The following KCNMB1 variants were observed in gnomAD, a reference collection of about 807,000 sequenced individuals.
The protein encoded by KCNMB1 is potassium calcium-activated channel subfamily M regulatory beta subunit 1, also known as calcium-activated potassium channel subunit beta-1.
Under a neutral mutation model 21.7 loss-of-function variants are expected in KCNMB1, and 22 were observed. That is an observed-to-expected ratio of 1.01 (90% CI 0.72 to 1.45). The LOEUF is 1.45. KCNMB1 is among the 40% of genes most tolerant of loss of function. The pLI is 0.00. For synonymous variants in KCNMB1, 114 were observed against 107.6 expected (o/e 1.06, Z -0.37); for missense variants, 243 against 243.4 (o/e 1.00, Z 0.01).
At chr5:170,382,617 C>T (rs79484313) in intron 3 of KCNMB1, 6,398 of 152,176 alleles carry the variant, frequency 0.042, 181 homozygotes, top group Middle Eastern at 0.081. Context: ...TTGCATCCTG[C>T]GCCTGCCTGA....
At chr5:170,382,060 A>G (rs940878306) in intron 3 of KCNMB1, among the ~76,000 whole-genome samples, 1 of 152,030 alleles carries the variant, frequency 6.6e-6, no homozygotes, top group African/African-American at 2.4e-5. Context: ...CCGTCCCATC[A>G]GCCATCAAGT....
Position 170,376,923 on chromosome 5 carries a change from C to A in KCNMB1, c.*1781G>T, listed in dbSNP as rs1764027533. ...AAACAAACAAAAAAAACTATAGTTGCCATTTTAAACACCTATGATGTGTCA... is the reference window on the plus strand; with the variant it reads ...AAACAAACAAAAAAAACTATAGTTGACATTTTAAACACCTATGATGTGTCA... On this transcript the variant is annotated 3_prime_UTR_variant, in exon 4 of 4. Transcript: ENST00000274629. 1 of 152,154 alleles carries A rather than the reference C, an allele frequency of 6.6e-6. No individual in the cohort carries two copies. Among genetic ancestry groups the A allele is most frequent in the South Asian group, 2.1e-4 (1 of 4,826 alleles). The allele number at this position is 152,154 out of a possible 1,614,324, so 9.4% of individuals were successfully genotyped here.
In KCNMB1 at chr5:170,374,944, A is replaced by G. The variant is rs1381128814; in HGVS notation, c.*3760T>C. The G allele has an allele frequency of 6.6e-6, 1 of 152,146 alleles. No individual in the cohort carries two copies. The highest frequency in any genetic ancestry group is 2.4e-5 in the African/African-American group (1 of 41,440). The allele number at this position is 152,146 out of a possible 1,614,324, so 9.4% of individuals were successfully genotyped here. ...GACAGTGGGGGTTAGGCATCCTCAC[A>G]TACTAATTTTTCTAGAGGAACATGG... On this transcript the variant is annotated 3_prime_UTR_variant, in exon 4 of 4. Transcript: ENST00000274629.
Position 170,378,865 on chromosome 5 carries a change from G to A in KCNMB1, c.415C>T (p.Pro139Ser), listed in dbSNP as rs750048754. ...EQQVFYCFSA[P>S]RGNETSVLFQ... The stretch of plus-strand genomic sequence containing the variant: ...AGGACGCTGGTTTCGTTCCCCCGAG[G>A]TGCGGAGAAGCAGTAGAAGACCTGC... The change falls in exon 4 of 4, where the codon CCT (proline) becomes TCT (serine). Residue 139 changes from proline (P) to serine (S), a missense_variant. Transcript: ENST00000274629. The A allele has an allele frequency of 3.1e-6, 5 of 1,614,266 alleles. No homozygotes were observed. Among genetic ancestry groups the A allele is most frequent in the South Asian group, 1.1e-5 (1 of 91,090 alleles).
rs1348780122 is a variant in KCNMB1, at chr5:170,378,378, G to A, written c.*326C>T. 16 of 254,022 alleles carry A rather than the reference G, an allele frequency of 6.3e-5. No individual in the cohort carries two copies. The highest frequency in any genetic ancestry group is 1.5e-5 in the Non-Finnish European group (2 of 133,942). The allele number at this position is 254,022 out of a possible 1,614,324, so 15.7% of individuals were successfully genotyped here. On this transcript the variant is annotated 3_prime_UTR_variant, in exon 4 of 4. Coordinates refer to ENST00000274629, the MANE Select transcript of KCNMB1 (RefSeq NM_004137.4). ...CAACAGGGAGAACTCAGGCACAGAGGTGACGATCATCGTTCTCTGTGGGGC... is the reference window on the plus strand; with the variant it reads ...CAACAGGGAGAACTCAGGCACAGAGATGACGATCATCGTTCTCTGTGGGGC...
chr5:170,387,773 A>G (rs1161459108), intron 1 of KCNMB1, among the ~76,000 whole-genome samples: 1 of 152,184 alleles, frequency 6.6e-6, no homozygotes, highest in Non-Finnish European at 1.5e-5. Flanking sequence ...CCATGTATTC[A>G]CAGGTAAAGC....
chr5:170,380,180 C>G (rs1300271058), intron 3 of KCNMB1, among the ~76,000 whole-genome samples: 1 of 152,114 alleles, frequency 6.6e-6, no homozygotes, highest in Admixed American at 6.5e-5. Flanking sequence ...CAGATGAGGC[C>G]AGCTGGAAAG....
Position 170,378,832 on chromosome 5 carries a change from G to T in KCNMB1, c.448C>A (p.Arg150Ser). ...RGNETSVLFQ[R>S]LYGPQALLFS... is the part of the protein sequence containing the mutation. ...AGGAGGGCCTGGGGCCCGTAGAGGCGCTGGAATAGGACGCTGGTTTCGTTC... is the reference window on the plus strand; with the variant it reads ...AGGAGGGCCTGGGGCCCGTAGAGGCTCTGGAATAGGACGCTGGTTTCGTTC... The change falls in exon 4 of 4, where the codon CGC becomes AGC. Residue 150 changes from arginine to serine, a missense_variant. By Grantham distance (110) the Arg-to-Ser change is moderately radical. Transcript: ENST00000274629. The T allele has an allele frequency of 6.2e-7, 1 of 1,614,240 alleles. No individual in the cohort carries two copies. The highest frequency in any genetic ancestry group is 8.5e-7 in the Non-Finnish European group (1 of 1,180,036).
intron 2 of KCNMB1, among the ~76,000 whole-genome samples, chr5:170,384,095 TTGCAACA>T (rs754911904): frequency 1.3e-5 from 2 of 152,182 alleles, no homozygotes; most frequent in Non-Finnish European, 2.9e-5. Context: ...TTGGCTACTC[TTGCAACA>T]ACCTGGGGAG....
intron 3 of KCNMB1, among the ~76,000 whole-genome samples, chr5:170,379,823 G>A (rs1298237751): frequency 2.6e-5 from 4 of 151,960 alleles, no homozygotes; most frequent in Admixed American, 1.3e-4. Context: ...GCATGGTGGT[G>A]TACCTGTAGT....
At chr5:170,379,188 C>T (rs547963461) in intron 3 of KCNMB1, among the ~76,000 whole-genome samples, 9 of 151,540 alleles carry the variant, frequency 5.9e-5, no homozygotes, top group East Asian at 2.0e-4. Context: ...TGGAGCTGCT[C>T]GGGGTACAGG....
chr5:170,380,997 A>T (rs187028592), intron 3 of KCNMB1, among the ~76,000 whole-genome samples: 1 of 152,326 alleles, frequency 6.6e-6, no homozygotes, highest in Admixed American at 6.5e-5. Context: ...GCTATTATTA[A>T]TAATAATATG....
chr5:170,384,525 G>C (rs542286932), intron 2 of KCNMB1, among the ~76,000 whole-genome samples: 1 of 152,306 alleles, frequency 6.6e-6, no homozygotes, highest in East Asian at 1.9e-4. Context: ...GCCCGGGAGA[G>C]GCTAACAGGT....
chr5:170,386,888 T>G (rs1764496919), intron 1 of KCNMB1, among the ~76,000 whole-genome samples: 1 of 151,974 alleles, frequency 6.6e-6, no homozygotes, highest in African/African-American at 2.4e-5. Context: ...CCCTGGACAT[T>G]GACTCCACCC....
At chr5:170,386,142 A>C (rs1764463192) in intron 1 of KCNMB1, among the ~76,000 whole-genome samples, 2 of 151,942 alleles carry the variant, frequency 1.3e-5, no homozygotes, top group Non-Finnish European at 2.9e-5. Context: ...AACAAAAAAC[A>C]AAAAAAGATA....
chr5:170,380,046 G>A (rs567085541), intron 3 of KCNMB1, among the ~76,000 whole-genome samples: 9 of 152,268 alleles, frequency 5.9e-5, no homozygotes, highest in African/African-American at 2.2e-4. Context: ...GTTGGCAAGC[G>A]GGTATTTGAC....
In KCNMB1 at chr5:170,374,765, C is replaced by G. The variant is rs920236286; in HGVS notation, c.*3939G>C. 6.6e-6 allele frequency: 1 copy of G among 152,176 alleles called. No homozygotes were observed. The highest frequency in any genetic ancestry group is 2.4e-5 in the African/African-American group (1 of 41,428). 9.4% of individuals were successfully genotyped at this position (152,176 alleles called of 1,614,324 possible). A position where few individuals can be genotyped will look rare whatever the true frequency, so the allele number is the denominator to read the frequency against. ...AACACGTAGGCACAGGGTCTAACTC[C>G]ATCATGCCTAAATTCCCATTATTTC... On this transcript the variant is annotated 3_prime_UTR_variant, in exon 4 of 4. Coordinates refer to ENST00000274629, the MANE Select transcript of KCNMB1 (RefSeq NM_004137.4).
intron 1 of KCNMB1, among the ~76,000 whole-genome samples, chr5:170,388,825 A>G (rs1332768986): frequency 2.0e-5 from 3 of 152,240 alleles, no homozygotes; most frequent in Non-Finnish European, 4.4e-5. Flanking sequence ...CATATTGAGT[A>G]TCAGACATGT....
rs536872325 is a variant in KCNMB1 at position 170,378,121 on chromosome 5, C to T, written c.*583G>A. ...AAACAGAAATTAACCACCATCCCAC[C>T]GCTAAAATTTTGATGAGTTCTCATG... On this transcript the variant is annotated 3_prime_UTR_variant, in exon 4 of 4. Transcript: ENST00000274629. 119 of 152,290 alleles carry T rather than the reference C, an allele frequency of 7.8e-4. 2 individuals carry two copies. Among genetic ancestry groups the T allele is most frequent in the Non-Finnish European group, 1.1e-3 (77 of 68,048 alleles). The allele number at this position is 152,290 out of a possible 1,614,324, so 9.4% of individuals were successfully genotyped here.
Sources: allele counts gnomAD v4.1 joint callset (sites outside exome capture counted in the v4.1 genomes callset), GRCh38; gene constraint gnomAD v4.1.1; transcripts MANE v1.5; gene names NCBI Gene and HGNC (gene_info 2026-07-23, HGNC 2026-07-21).